The following ARHGEF12 variants were observed in gnomAD, a reference collection of about 807,000 sequenced individuals.
ARHGEF12 encodes the protein KMT2A/ARHGEF12 fusion protein.
A neutral mutation model predicts 211.2 loss-of-function variants in ARHGEF12; 66 were observed. The ratio of observed to expected loss-of-function variants is 0.31; its 90% CI spans 0.26 to 0.38. The LOEUF is 0.38. ARHGEF12 is among the 10% of genes least tolerant of loss of function. The pLI, the probability that ARHGEF12 is intolerant of heterozygous loss-of-function variation, is 1.00. For missense variants in ARHGEF12, 1,429 were observed against 1,869.5 expected, an observed-to-expected ratio of 0.76 and a Z score of 4.34; for synonymous variants, 592 against 638.4, an observed-to-expected ratio of 0.93 and a Z score of 1.09.
At chr11:120,367,369 T>TCC (rs1565432058) in intron 1 of ARHGEF12, among the ~76,000 whole-genome samples, 7 of 122,294 alleles carry the variant, frequency 5.7e-5, no homozygotes, top group African/African-American at 2.0e-4. Context: ...TTTTTTTTTT[T>TCC]TTTTTTTTTT....
At chr11:120,414,620 A>G (rs1027261221) in intron 4 of ARHGEF12, among the ~76,000 whole-genome samples, 2 of 152,202 alleles carry the variant, frequency 1.3e-5, no homozygotes, top group Non-Finnish European at 2.9e-5. Context: ...TGATAGAGAT[A>G]TGCACTCATT....
chr11:120,454,893 A>T (rs1946319074), intron 22 of ARHGEF12, among the ~76,000 whole-genome samples: 1 of 152,214 alleles, frequency 6.6e-6, no homozygotes, highest in African/African-American at 2.4e-5. Context: ...GCACTCTGTC[A>T]CTTCTGCAAG....
chr11:120,479,198 T>C (rs1161967437), intron 37 of ARHGEF12, among the ~76,000 whole-genome samples: 1 of 152,158 alleles, frequency 6.6e-6, no homozygotes, highest in East Asian at 1.9e-4. Context: ...GCCATGAGAC[T>C]TCCTGGCATC....
intron 11 of ARHGEF12, among the ~76,000 whole-genome samples, 169 bp downstream of exon 11, chr11:120,432,080 C>T (rs1247522042): frequency 2.0e-5 from 3 of 152,300 alleles, no homozygotes; most frequent in East Asian, 1.9e-4. Context: ...TATATATAAG[C>T]TTTTAATTCC....
chr11:120,445,651 C>G (rs1008604647), intron 16 of ARHGEF12, among the ~76,000 whole-genome samples, 187 bp downstream of exon 16: 19 of 152,126 alleles, frequency 1.2e-4, no homozygotes, highest in Admixed American at 9.2e-4. Flanking sequence ...GTAATCCCAG[C>G]ACTTTGGAAG....
chr11:120,475,630 T>A, intron 33 of ARHGEF12, 123 bp downstream of exon 33: 1 of 1,002,742 alleles, frequency 1.0e-6, no homozygotes, highest in Non-Finnish European at 1.4e-6. Context: ...CTTAAGCAAA[T>A]TACATGAAAT....
intron 2 of ARHGEF12, 123 bp from the exon 3 acceptor site, chr11:120,407,615 A>C: frequency 1.5e-6 from 1 of 651,852 alleles, no homozygotes; most frequent in Non-Finnish European, 2.6e-6. Context: ...AGAGAGGCTT[A>C]TGGTGCTGTG....
chr11:120,437,985 G>A (rs892451745), intron 12 of ARHGEF12, among the ~76,000 whole-genome samples: 6 of 152,150 alleles, frequency 3.9e-5, no homozygotes, highest in Non-Finnish European at 8.8e-5. Context: ...TTGTCAGTGG[G>A]TACTTAGATT....
rs17245518 is a variant in ARHGEF12, at chr11:120,457,108, T to C, written c.2057-10T>C. The C allele has an allele frequency of 0.027, 43,955 of 1,612,982 alleles. 731 individuals are homozygous for C. Among genetic ancestry groups the C allele is most frequent in the Non-Finnish European group, 0.032 (38,226 of 1,179,528 alleles). ...TTAACACTCTTCAAATGTCTGACTT[T>C]TGTCTACAGGATCAAAGCAAGTTGG... On this transcript the variant is annotated splice_polypyrimidine_tract_variant and intron_variant, in intron 22 of 40. Coordinates refer to ENST00000397843, the MANE Select transcript of ARHGEF12 (RefSeq NM_015313.3).
chr11:120,416,267 A>AT (rs1465453308), intron 4 of ARHGEF12, among the ~76,000 whole-genome samples: 1 of 152,066 alleles, frequency 6.6e-6, no homozygotes, highest in Non-Finnish European at 1.5e-5. Context: ...TTCATAAGCA[A>AT]TTTTTTTAAG....
intron 1 of ARHGEF12, chr11:120,337,808 G>A (rs1260125253): frequency 3.6e-5 from 35 of 985,314 alleles, no homozygotes; most frequent in Non-Finnish European, 4.1e-5. Context: ...CCAGAATGTT[G>A]ACATTACCAG....
chr11:120,347,262 CTCTCTG>C (rs1224699933), intron 1 of ARHGEF12, among the ~76,000 whole-genome samples: 41 of 117,676 alleles, frequency 3.5e-4, no homozygotes, highest in African/African-American at 3.7e-4. Context: ...CTCTCTCTCT[CTCTCTG>C]TCTGTGTGTG....
intron 1 of ARHGEF12, among the ~76,000 whole-genome samples, chr11:120,359,600 A>AGC (rs1409321991): frequency 1.3e-5 from 2 of 152,198 alleles, no homozygotes; most frequent in Non-Finnish European, 2.9e-5. Context: ...TCTGGGTACA[A>AGC]ATATCTAGTG....
At chr11:120,353,934 A>T (rs1052945412) in intron 1 of ARHGEF12, among the ~76,000 whole-genome samples, 1 of 152,190 alleles carries the variant, frequency 6.6e-6, no homozygotes, top group Non-Finnish European at 1.5e-5. Context: ...GTGGAGGTGG[A>T]TGCCCAACCC....
intron 1 of ARHGEF12, among the ~76,000 whole-genome samples, chr11:120,349,111 G>A (rs1161274984): frequency 2.0e-5 from 3 of 152,134 alleles, no homozygotes; most frequent in African/African-American, 7.2e-5. Context: ...CAATTTGGGG[G>A]AATGTTTGAG....
intron 1 of ARHGEF12, among the ~76,000 whole-genome samples, chr11:120,371,344 T>C (rs1284705232): frequency 6.6e-6 from 1 of 152,108 alleles, no homozygotes; most frequent in East Asian, 1.9e-4. Flanking sequence ...CAGAATTAGC[T>C]GGGTGTGCTG....
chr11:120,394,160 A>G (rs534807251), intron 1 of ARHGEF12, among the ~76,000 whole-genome samples: 1 of 152,294 alleles, frequency 6.6e-6, no homozygotes, highest in Non-Finnish European at 1.5e-5. Flanking sequence ...AGCATTACAT[A>G]AAAACTTATA....
intron 1 of ARHGEF12, among the ~76,000 whole-genome samples, chr11:120,384,027 A>G (rs1201360795): frequency 6.6e-6 from 1 of 152,150 alleles, no homozygotes; most frequent in East Asian, 1.9e-4. Flanking sequence ...GTTTCTTAGG[A>G]TACTTGGGCT....
chr11:120,425,441 A>T (rs1277679303), intron 7 of ARHGEF12, among the ~76,000 whole-genome samples: 3 of 149,812 alleles, frequency 2.0e-5, no homozygotes, highest in Non-Finnish European at 4.4e-5. Flanking sequence ...GGTTCAAGTG[A>T]TCCTCCCACC....
Sources: allele counts gnomAD v4.1 joint callset (sites outside exome capture counted in the v4.1 genomes callset), GRCh38; gene constraint gnomAD v4.1.1; transcripts MANE v1.5; gene names NCBI Gene and HGNC (gene_info 2026-07-23, HGNC 2026-07-21).